LRP6: variants seen among roughly 807,000 people sequenced by gnomAD.
LRP6 encodes the protein low-density lipoprotein receptor-related protein 6.
Under a neutral mutation model 184.1 loss-of-function variants are expected in LRP6, and 43 were observed. The observed-to-expected ratio is 0.23, with a 90% confidence interval of 0.18 to 0.30. LRP6 has a LOEUF of 0.30. Ranked by LOEUF, LRP6 falls within the 10% of genes least tolerant of loss-of-function variation. The pLI is 1.00. For missense variants in LRP6, 1,571 were observed against 2,005.3 expected (o/e 0.78, Z 4.14); for synonymous variants, 719 against 684.9 (o/e 1.05, Z -0.78).
rs1565607791 is a variant in LRP6 at position 12,179,371 on chromosome 12, TATAGATATAGATATAG to T, written c.1545+423_1545+438del. Among the ~76,000 whole-genome samples, 695 of 123,760 alleles carry T rather than the reference TATAGATATAGATATAG, an allele frequency of 5.6e-3. 3 individuals are homozygous for T. The highest frequency in any genetic ancestry group is 9.0e-3 in the Middle Eastern group (2 of 222). The allele number at this position is 123,760 out of a possible 152,430, so 81.2% of individuals were successfully genotyped here. Reference sequence around the variant, plus strand: ...AGTTAACAGCAATAAAAGATATAGATATAGATATAGATATAGATATAGATATAGATATAGATATAGA... The same window carrying T: ...AGTTAACAGCAATAAAAGATATAGATATATAGATATAGATATAGATATAGA... On this transcript the variant is annotated intron_variant, in intron 7 of 22. Transcript: ENST00000261349.
At chr12:12,171,877 A>G (rs1195199783) in intron 7 of LRP6, among the ~76,000 whole-genome samples, 1 of 152,236 alleles carries the variant, frequency 6.6e-6, no homozygotes, top group Non-Finnish European at 1.5e-5. Context: ...TGTCTTAAAG[A>G]AATCACTATT....
chr12:12,206,928 TA>T (rs60858132), intron 2 of LRP6, among the ~76,000 whole-genome samples: 7,599 of 143,020 alleles, frequency 0.053, 211 homozygotes, highest in Middle Eastern at 0.16. Context: ...CTTAAGCAAT[TA>T]AAAAAAAAAA....
intron 3 of LRP6, among the ~76,000 whole-genome samples, chr12:12,190,014 G>A (rs925183953): frequency 2.6e-5 from 4 of 152,118 alleles, no homozygotes; most frequent in South Asian, 2.1e-4. Context: ...ATGGTAAGGT[G>A]TACAAATTAG....
At chr12:12,234,687 C>T (rs1393087330) in intron 2 of LRP6, among the ~76,000 whole-genome samples, 8 of 151,574 alleles carry the variant, frequency 5.3e-5, no homozygotes, top group African/African-American at 1.9e-4. Context: ...AAAAATTAGC[C>T]GGGTGTGGTG....
At position 12,119,990 on chromosome 12, in the gene LRP6, A is replaced by AATATATATATAT. The variant is rs550587604; in HGVS notation, c.*1124_*1135dup. 4.8e-4 allele frequency: 22 copies of AATATATATATAT among 45,512 alleles called. 1 individual carries two copies. The highest frequency in any genetic ancestry group is 6.6e-4 in the African/African-American group (7 of 10,566). The allele number at this position is 45,512 out of a possible 1,614,324, so 2.8% of individuals were successfully genotyped here. On this transcript the variant is annotated 3_prime_UTR_variant, in exon 23 of 23. Transcript: ENST00000261349. ...ACTCAGAAAACAAACAAACAAACAA[A>AATATATATATAT]ATATATATATATATATATATATATA...
intron 3 of LRP6, among the ~76,000 whole-genome samples, chr12:12,194,455 G>A (rs931652739): frequency 1.3e-5 from 2 of 151,936 alleles, no homozygotes; most frequent in African/African-American, 2.4e-5. Flanking sequence ...CTCCATAGAA[G>A]TAACAATTAT....
rs1372943120 is a variant in LRP6 at position 12,127,069 on chromosome 12, C to T, written c.4082-148G>A. The T allele has an allele frequency of 8.6e-6, 6 of 697,082 alleles. No individual in the cohort carries two copies. In the East Asian group the frequency reaches 1.3e-4, roughly 16 times the overall value. The allele number at this position is 697,082 out of a possible 1,614,324, so 43.2% of individuals were successfully genotyped here. On this transcript the variant is annotated intron_variant, in intron 19 of 22. Coordinates refer to ENST00000261349, the MANE Select transcript of LRP6 (RefSeq NM_002336.3). ...CACTTTTCTTTTTTATGAGTACATA[C>T]ATACCACGCCCTGAAGACATATGAA...
rs1158887527 is a variant in LRP6, at chr12:12,147,372, G to A, written c.3391C>T (p.Leu1131Phe). Reference sequence around the variant, plus strand: ...AAACATATTTCTTGGGTACCTGAGAGATCACTGCTTTCAATTCGCCGGAGA... The same window carrying A: ...AAACATATTTCTTGGGTACCTGAGAAATCACTGCTTTCAATTCGCCGGAGA... ...SDLRRIESSD[L>F]SGANRIVLED... The change falls in exon 15 of 23, where the codon CTC becomes TTC. Residue 1131 changes from leucine (L) to phenylalanine (F), a missense_variant. Leu to Phe is a conservative substitution (Grantham distance 22). Around this residue, in one of 4 missense-constraint regions of LRP6, gnomAD observed 763 missense variants for 859.5 expected, o/e 0.89. Transcript: ENST00000261349. The A allele has an allele frequency of 1.9e-6, 3 of 1,614,114 alleles. No individual in the cohort carries two copies. The highest frequency in any genetic ancestry group is 2.5e-6 in the Non-Finnish European group (3 of 1,179,976).
In LRP6 at chr12:12,119,798, T is replaced by G. The variant is rs1949569158; in HGVS notation, c.*1328A>C. On this transcript the variant is annotated 3_prime_UTR_variant, in exon 23 of 23. Coordinates refer to ENST00000261349, the MANE Select transcript of LRP6 (RefSeq NM_002336.3). ...TTCACAGTGGGTAACAGAAAGATAT[T>G]AAATTCATGTCACACATTAGAAGAG... is the stretch of plus-strand genomic sequence containing the variant. The G allele has an allele frequency of 6.6e-6, 1 of 151,686 alleles. No homozygotes were observed. The highest frequency in any genetic ancestry group is 1.5e-5 in the Non-Finnish European group (1 of 67,948). 9.4% of individuals were successfully genotyped at this position (151,686 alleles called of 1,614,324 possible).
intron 2 of LRP6, among the ~76,000 whole-genome samples, chr12:12,216,394 T>C (rs1213323613): frequency 2.6e-5 from 4 of 152,184 alleles, no homozygotes; most frequent in Non-Finnish European, 4.4e-5. Context: ...AATTATACTT[T>C]TTATTCAGCT....
chr12:12,137,268 A>T (rs547330763), intron 16 of LRP6, among the ~76,000 whole-genome samples: 1 of 152,238 alleles, frequency 6.6e-6, no homozygotes, highest in Non-Finnish European at 1.5e-5. Flanking sequence ...TATGATCAAC[A>T]GTAGTGACTG....
intron 2 of LRP6, among the ~76,000 whole-genome samples, chr12:12,229,370 C>CAAAAAAAAAAAAA (rs375650917): frequency 1.6e-5 from 1 of 61,420 alleles, no homozygotes; most frequent in African/African-American, 4.4e-5. Context: ...AACTCCATTT[C>CAAAAAAAAAAAAA]AAAAAAAAAA....
chr12:12,185,134 A>T (rs1444330284), intron 4 of LRP6, among the ~76,000 whole-genome samples: 1 of 152,148 alleles, frequency 6.6e-6, no homozygotes, highest in Non-Finnish European at 1.5e-5. Context: ...CCCTACCTCT[A>T]TAAAAAATAC....
chr12:12,156,050 T>C (rs1046557123), intron 12 of LRP6, among the ~76,000 whole-genome samples: 4 of 151,804 alleles, frequency 2.6e-5, no homozygotes, highest in African/African-American at 7.3e-5. Context: ...ACAAATATAA[T>C]AAAGAAGGAA....
chr12:12,164,451 T>G lies in LRP6; in HGVS notation c.1874A>C (p.Lys625Thr). Residue 625 changes from lysine to threonine, a missense_variant, in exon 9 of 23, where the codon AAG becomes ACG. Transcript: ENST00000261349. ...PIGFELISDMKTCIVPEAFLL... is the reference protein window; with the variant it reads ...PIGFELISDMTTCIVPEAFLL... ...GAAAGCCTCTGGGACAATGCAGGTCTTCATGTCACTGATGAGTTCAAAGCC... is the reference window on the plus strand; with the variant it reads ...GAAAGCCTCTGGGACAATGCAGGTCGTCATGTCACTGATGAGTTCAAAGCC... 6.2e-7 allele frequency: 1 copy of G among 1,614,170 alleles called. No homozygotes were observed. The highest frequency in any genetic ancestry group is 8.5e-7 in the Non-Finnish European group (1 of 1,180,026).
chr12:12,159,145 A>C lies in LRP6; in HGVS notation c.2475T>G (p.Arg825=). ...IESSNMLGLN[R]EVIADDLPHP... ...GAGGCAAGTCATCTGCTATAACTTC[A>C]CGGTTGAGCCCTATTTTCAGAAAGG... is the stretch of plus-strand genomic sequence containing the variant. The change falls in exon 12 of 23, where the codon CGT becomes CGG. Residue 825 remains arginine (R), a synonymous_variant. Coordinates refer to ENST00000261349, the MANE Select transcript of LRP6 (RefSeq NM_002336.3). 13 of 1,613,994 alleles carry C rather than the reference A, an allele frequency of 8.1e-6. No individual in the cohort carries two copies. The highest frequency in any genetic ancestry group is 1.1e-5 in the Non-Finnish European group (13 of 1,179,942).
In LRP6 at chr12:12,150,871, T is replaced by G. The variant is rs1405565593; in HGVS notation, c.2959A>C (p.Asn987His). Residue 987 changes from asparagine (N) to histidine (H), a missense_variant, in exon 13 of 23, where the codon AAC becomes CAC. Transcript: ENST00000261349. ...KQLYWIDSRQ[N>H]MIRKAQEDGS... Reference sequence around the variant, plus strand: ...TCTTCTTGTGCCTTTCGGATCATGTTTTGTCGTGAGTCAATCCAATAGAGT... The same window carrying G: ...TCTTCTTGTGCCTTTCGGATCATGTGTTGTCGTGAGTCAATCCAATAGAGT... The G allele has an allele frequency of 6.2e-7, 1 of 1,614,090 alleles. No homozygotes were observed. Among genetic ancestry groups the G allele is most frequent in the Admixed American group, 1.7e-5 (1 of 60,012 alleles).
intron 10 of LRP6, 41 bp from the exon 11 acceptor site, chr12:12,160,005 A>T (rs773263096): frequency 1.3e-5 from 18 of 1,419,818 alleles, no homozygotes; most frequent in Non-Finnish European, 1.7e-5. Context: ...TCAATTTTTT[A>T]TTATCTGGGG....
chr12:12,169,223 T>C (rs1862965770), intron 7 of LRP6, among the ~76,000 whole-genome samples: 1 of 144,140 alleles, frequency 6.9e-6, no homozygotes, highest in Non-Finnish European at 1.6e-5. Flanking sequence ...GAGCAAACTC[T>C]GCCTCAAAAT....
Sources: gnomAD v4.1 joint callset for allele counts (sites outside exome capture counted in the v4.1 genomes callset) on GRCh38, gnomAD v4.1.1 for gene constraint, gnomAD v4.1.1 regional missense constraint, MANE v1.5 for transcripts, NCBI Gene and HGNC (gene_info 2026-07-23, HGNC 2026-07-21) for gene names.